SEMA6D: variants seen among roughly 807,000 people sequenced by gnomAD.
The protein encoded by SEMA6D is semaphorin 6D, also known as semaphorin-6D.
A neutral mutation model predicts 106.6 loss-of-function variants in SEMA6D; 35 were observed. The observed-to-expected ratio is 0.33, with a 90% CI of 0.25 to 0.44. SEMA6D has a LOEUF of 0.44. SEMA6D is among the 20% of genes least tolerant of loss of function. SEMA6D has a pLI of 1.00. For missense variants in SEMA6D, 1,185 were observed against 1,345.9 expected (o/e 0.88, Z 1.87); for synonymous variants, 499 against 487.7 (o/e 1.02, Z -0.31).
chr15:47,353,503 C>T (rs1174158289), intron 1 of SEMA6D, among the ~76,000 whole-genome samples: 1 of 152,174 alleles, frequency 6.6e-6, no homozygotes, highest in African/African-American at 2.4e-5. Context: ...GGGAATGTGT[C>T]AACTAAGGTC....
At chr15:47,644,442 A>G (rs746932144) in intron 4 of SEMA6D, among the ~76,000 whole-genome samples, 66 of 152,182 alleles carry the variant, frequency 4.3e-4, no homozygotes, top group Non-Finnish European at 6.8e-4. Context: ...CTCACTTACA[A>G]TAAGGTGGTT....
chr15:47,465,952 G>A (rs901804180), intron 2 of SEMA6D, among the ~76,000 whole-genome samples: 2 of 151,992 alleles, frequency 1.3e-5, no homozygotes, highest in Non-Finnish European at 2.9e-5. Context: ...ATATCAAAAT[G>A]TTCATATTTG....
intron 1 of SEMA6D, among the ~76,000 whole-genome samples, chr15:47,758,684 A>T (rs574959450): frequency 6.6e-6 from 1 of 152,292 alleles, no homozygotes; most frequent in East Asian, 1.9e-4. Flanking sequence ...AACACCTATG[A>T]AGCATCACTT....
chr15:47,440,714 GA>G (rs1177118616), intron 2 of SEMA6D, among the ~76,000 whole-genome samples: 5 of 152,024 alleles, frequency 3.3e-5, no homozygotes, highest in Admixed American at 3.3e-4. Context: ...TTCAGGAACA[GA>G]ATAGAGGATT....
chr15:47,257,817 C>T (rs923190993), intron 1 of SEMA6D, among the ~76,000 whole-genome samples: 1 of 151,784 alleles, frequency 6.6e-6, no homozygotes, highest in Admixed American at 6.6e-5. Context: ...TTGTGTTCTT[C>T]AGATCATCTG....
chr15:47,750,574 T>C (rs1419590446), intron 1 of SEMA6D, among the ~76,000 whole-genome samples: 1 of 152,220 alleles, frequency 6.6e-6, no homozygotes, highest in Non-Finnish European at 1.5e-5. Context: ...TCCTTGCTCC[T>C]TCAGAATGCA....
chr15:47,213,200 T>C (rs1157777226), intron 1 of SEMA6D, among the ~76,000 whole-genome samples: 1 of 152,246 alleles, frequency 6.6e-6, no homozygotes, highest in East Asian at 1.9e-4. Context: ...GCCATGTGGC[T>C]AGTGGCTGTG....
rs955028063 is a variant in SEMA6D, at chr15:47,684,932, C to G, written c.-54-74813C>G. Among the ~76,000 whole-genome samples, 5 of 152,068 alleles carry G rather than the reference C, an allele frequency of 3.3e-5. No individual in the cohort carries two copies. The East Asian group carries it at 9.7e-4, about 29-fold the overall frequency. ...GCCAAATACCAGAGACCTGGGGAAACTTACCGTGGAAACCAAGGCAGGGAA... is the reference window on the plus strand; with the variant it reads ...GCCAAATACCAGAGACCTGGGGAAAGTTACCGTGGAAACCAAGGCAGGGAA... On this transcript the variant is annotated intron_variant, in intron 4 of 19. Coordinates refer to the SEMA6D transcript ENST00000558014.
At position 47,511,514 on chromosome 15, in the gene SEMA6D, C is replaced by T. The variant is rs867510810; in HGVS notation, c.-87+40969C>T. Among the ~76,000 whole-genome samples, 49 of 151,998 alleles carry T rather than the reference C, an allele frequency of 3.2e-4. 1 individual carries two copies. The highest frequency in any genetic ancestry group is 5.2e-4 in the Admixed American group (8 of 15,250). On this transcript the variant is annotated intron_variant, in intron 3 of 19. Coordinates refer to the SEMA6D transcript ENST00000558014. ...TGCTTCTCAGATCAGTTTTCACTACCCCCCTCCTGCCACATGTGTTAGGTT... is the reference window on the plus strand; with the variant it reads ...TGCTTCTCAGATCAGTTTTCACTACTCCCCTCCTGCCACATGTGTTAGGTT...
intron 2 of SEMA6D, among the ~76,000 whole-genome samples, chr15:47,422,376 T>A (rs560263734): frequency 6.6e-6 from 1 of 152,200 alleles, no homozygotes; most frequent in East Asian, 1.9e-4. Context: ...CAGATAAGTT[T>A]CCAAGCTCAG....
chr15:47,588,536 A>G (rs2076382939), intron 3 of SEMA6D, among the ~76,000 whole-genome samples: 1 of 152,190 alleles, frequency 6.6e-6, no homozygotes, highest in Non-Finnish European at 1.5e-5. Context: ...TTGAGTTAGC[A>G]TAAGAACTGC....
chr15:47,331,551 A>G (rs971942388), intron 1 of SEMA6D, among the ~76,000 whole-genome samples: 1 of 152,180 alleles, frequency 6.6e-6, no homozygotes, highest in Admixed American at 6.6e-5. Context: ...ATACAGTGTT[A>G]TATCATTTTT....
chr15:47,218,784 G>C (rs1196940107), intron 1 of SEMA6D, among the ~76,000 whole-genome samples: 1 of 152,082 alleles, frequency 6.6e-6, no homozygotes, highest in Non-Finnish European at 1.5e-5. Flanking sequence ...CTCATCTAAC[G>C]GTCACAGTAA....
intron 1 of SEMA6D, among the ~76,000 whole-genome samples, chr15:47,736,569 G>C (rs979096773): frequency 6.6e-6 from 1 of 152,142 alleles, no homozygotes; most frequent in Non-Finnish European, 1.5e-5. Context: ...TATTTGGATC[G>C]TGGTGATGTA....
intron 2 of SEMA6D, among the ~76,000 whole-genome samples, chr15:47,470,254 A>T (rs1257252701): frequency 1.3e-5 from 2 of 152,062 alleles, no homozygotes; most frequent in African/African-American, 4.8e-5. Context: ...ACCATGCCAT[A>T]TGTTTTGTCA....
chr15:47,648,773 G>A (rs1336854684), intron 4 of SEMA6D, among the ~76,000 whole-genome samples: 2 of 152,088 alleles, frequency 1.3e-5, no homozygotes, highest in Non-Finnish European at 2.9e-5. Flanking sequence ...ATTTATTTCA[G>A]TATTTAATAT....
chr15:47,215,030 A>G (rs1253524898), intron 1 of SEMA6D, among the ~76,000 whole-genome samples: 1 of 151,656 alleles, frequency 6.6e-6, no homozygotes, highest in East Asian at 1.9e-4. Flanking sequence ...TGATCTGATG[A>G]CTGTTTTATA....
rs145913668 is a variant in SEMA6D, at chr15:47,206,432, A to C, written c.-239+22014A>C. Reference sequence around the variant, plus strand: ...AGTTGAAGGCAGAGCCAGGATTAGCATTTACAGGTTCTGAGTAAGTTCAAA... The same window carrying C: ...AGTTGAAGGCAGAGCCAGGATTAGCCTTTACAGGTTCTGAGTAAGTTCAAA... On this transcript the variant is annotated intron_variant, in intron 1 of 19. Coordinates refer to the SEMA6D transcript ENST00000558014. Among the ~76,000 whole-genome samples, 62 of 152,294 alleles carry C rather than the reference A, an allele frequency of 4.1e-4. No homozygotes were observed. The East Asian group carries it at 0.012, about 28-fold the overall frequency.
chr15:47,347,659 C>G (rs1372807418), intron 1 of SEMA6D, among the ~76,000 whole-genome samples: 1 of 152,120 alleles, frequency 6.6e-6, no homozygotes, highest in Non-Finnish European at 1.5e-5. Context: ...CATGGTGTAT[C>G]TTAGAAGCTA....
Sources: gnomAD v4.1 joint callset for allele counts (sites outside exome capture counted in the v4.1 genomes callset) on GRCh38, gnomAD v4.1.1 for gene constraint, MANE v1.5 for transcripts, NCBI Gene and HGNC (gene_info 2026-07-23, HGNC 2026-07-21) for gene names.